The following YTHDC1 variants were observed in gnomAD, a reference collection of about 807,000 sequenced individuals.
The protein encoded by YTHDC1 is YTH domain-containing protein 1.
A neutral mutation model predicts 107.0 loss-of-function variants in YTHDC1; 12 were observed. The observed-to-expected ratio is 0.11, with a 90% CI of 0.07 to 0.18. The LOEUF is 0.18. Ranked by LOEUF, YTHDC1 falls within the 10% of genes least tolerant of loss-of-function variation. The pLI is 1.00. For missense variants in YTHDC1, 635 were observed against 898.8 expected (o/e 0.71, Z 3.75); for synonymous variants, 280 against 289.5 (o/e 0.97, Z 0.33).
At position 68,337,684 on chromosome 4, in the gene YTHDC1, C is replaced by T. The variant is rs139194469; in HGVS notation, c.347G>A (p.Arg116His). 25 of 1,614,004 alleles carry T rather than the reference C, an allele frequency of 1.5e-5. No homozygotes were observed. Among genetic ancestry groups the T allele is most frequent in the African/African-American group, 1.5e-4 (11 of 74,918 alleles). ...TTCTCTGGAGGCACTACTTGATAGACGAATTTTCCGATCAGCATCTAGACG... is the reference window on the plus strand; with the variant it reads ...TTCTCTGGAGGCACTACTTGATAGATGAATTTTCCGATCAGCATCTAGACG... ...NKRLDADRKI[R>H]LSSSASREPY... The change falls in exon 3 of 17, where the codon CGT becomes CAT. Residue 116 changes from arginine (R) to histidine (H), a missense_variant. Arg to His is a conservative substitution (Grantham distance 29). Coordinates refer to ENST00000344157, the MANE Select transcript of YTHDC1 (RefSeq NM_001031732.4).
intron 1 of YTHDC1, among the ~76,000 whole-genome samples, chr4:68,338,773 C>A (rs1466790644): frequency 6.6e-6 from 1 of 152,184 alleles, no homozygotes; most frequent in Non-Finnish European, 1.5e-5. Flanking sequence ...TCACTTGAAC[C>A]TGGGAAGCAG....
chr4:68,318,242 G>T, intron 15 of YTHDC1, among the ~76,000 whole-genome samples: 1 of 152,072 alleles, frequency 6.6e-6, no homozygotes, highest in Non-Finnish European at 1.5e-5. Context: ...GGGAGTACAG[G>T]CACACGCCAC....
At position 68,337,702 on chromosome 4, in the gene YTHDC1, T is replaced by A. The variant is rs149942939; in HGVS notation, c.329A>T (p.Asp110Val). The A allele has an allele frequency of 1.3e-5, 21 of 1,614,048 alleles. No homozygotes were observed. In the African/African-American group the frequency reaches 1.6e-4, roughly 12 times the overall value. ...TGATAGACGAATTTTCCGATCAGCA[T>A]CTAGACGCTTGTTTCTTTCAGATCT... ...YQRSERNKRL[D>V]ADRKIRLSSS... is the part of the protein sequence containing the mutation. Residue 110 changes from aspartate to valine, a missense_variant, in exon 3 of 17, where the codon GAT becomes GTT. This residue lies in a region of YTHDC1 where 294 missense variants were observed against 312.3 expected (regional missense o/e 0.94). Transcript: ENST00000344157.
Position 68,322,716 on chromosome 4 carries a change from G to A in YTHDC1, c.1601+33C>T. 1.2e-6 allele frequency: 2 copies of A among 1,604,008 alleles called. No homozygotes were observed. The highest frequency in any genetic ancestry group is 1.7e-6 in the Non-Finnish European group (2 of 1,172,682). On this transcript the variant is annotated intron_variant, in intron 11 of 16. Transcript: ENST00000344157. This position sits in a 1 kb window ranked among gnomAD's most constrained non-coding sequence, Gnocchi z 4.8. ...CCTCCATCATGTTATTCTGATACAT[G>A]TGCCTATTATCAGTCCAAAGAACGT...
chr4:68,322,245 A>G lies in YTHDC1; in HGVS notation c.1601+504T>C, dbSNP rs766089629. 1.3e-5 allele frequency among the ~76,000 whole-genome samples: 2 copies of G among 152,236 alleles called. No individual in the cohort carries two copies. The highest frequency in any genetic ancestry group is 2.9e-5 in the Non-Finnish European group (2 of 68,042). ...ACAGTCCCAATAATGCTCCTCTTGAATATCAAAATAACTTAAAATATTTTA... is the reference window on the plus strand; with the variant it reads ...ACAGTCCCAATAATGCTCCTCTTGAGTATCAAAATAACTTAAAATATTTTA... On this transcript the variant is annotated intron_variant, in intron 11 of 16. Transcript: ENST00000344157. This position sits in a 1 kb window ranked among gnomAD's most constrained non-coding sequence, Gnocchi z 4.8.
intron 4 of YTHDC1, 97 bp downstream of exon 4, chr4:68,336,930 C>T (rs1724229831): frequency 1.4e-6 from 2 of 1,432,998 alleles, no homozygotes; most frequent in African/African-American, 1.4e-5. Flanking sequence ...CTATTAATAT[C>T]CCCCATCTCC....
At chr4:68,334,517 T>C (rs1397610858) in intron 4 of YTHDC1, among the ~76,000 whole-genome samples, 1 of 152,160 alleles carries the variant, frequency 6.6e-6, no homozygotes, top group East Asian at 1.9e-4. Context: ...CTTGAGCAAG[T>C]AGAAAGGATG....
At chr4:68,323,630 T>C (rs1266313956) in intron 10 of YTHDC1, among the ~76,000 whole-genome samples, 1 of 152,040 alleles carries the variant, frequency 6.6e-6, no homozygotes, top group Non-Finnish European at 1.5e-5. Context: ...AAAAATAAAA[T>C]AAAACAAAAC....
chr4:68,336,618 A>G (rs370467731), intron 4 of YTHDC1, among the ~76,000 whole-genome samples: 3 of 152,346 alleles, frequency 2.0e-5, no homozygotes, highest in South Asian at 4.1e-4. Context: ...TTCTGAAGCC[A>G]TATGATGGAA....
At chr4:68,349,611 G>GTAGCATTAAAAAA in intron 1 of YTHDC1, 115 bp downstream of exon 1, 1 of 1,180,076 alleles carries the variant, frequency 8.5e-7, no homozygotes, top group Non-Finnish European at 1.2e-6. Flanking sequence ...GGCTCCTCGC[G>GTAGCATTAAAAAA]AGGCCAGCTA....
rs968854678 is a variant in YTHDC1 at position 68,312,870 on chromosome 4, A to C, written c.*1229T>G. On this transcript the variant is annotated 3_prime_UTR_variant, in exon 17 of 17. Coordinates refer to ENST00000344157, the MANE Select transcript of YTHDC1 (RefSeq NM_001031732.4). Reference sequence around the variant, plus strand: ...AAAAAATTCAAAAAAATTATTTCATAAACTGTTTTCTTGAGCGGCTCTATT... The same window carrying C: ...AAAAAATTCAAAAAAATTATTTCATCAACTGTTTTCTTGAGCGGCTCTATT... 1 of 152,246 alleles carries C rather than the reference A, an allele frequency of 6.6e-6. No individual in the cohort carries two copies. The highest frequency in any genetic ancestry group is 6.5e-5 in the Admixed American group (1 of 15,292). 9.4% of individuals were successfully genotyped at this position (152,246 alleles called of 1,614,324 possible).
At chr4:68,314,369 G>A (rs1380335201) in intron 16 of YTHDC1, 46 bp from the exon 17 acceptor site, 1 of 1,522,682 alleles carries the variant, frequency 6.6e-7, no homozygotes, top group East Asian at 2.3e-5. Context: ...AAGGCAAATA[G>A]TGTTAAGTGG....
chr4:68,323,535 C>T (rs1450561673), intron 10 of YTHDC1, among the ~76,000 whole-genome samples: 2 of 152,122 alleles, frequency 1.3e-5, no homozygotes, highest in Admixed American at 6.5e-5. Flanking sequence ...TGAGACCAGC[C>T]TCGCAAAATG....
rs144622650 is a variant in YTHDC1, at chr4:68,334,667, T to C, written c.884-1270A>G. 2.7e-3 allele frequency among the ~76,000 whole-genome samples: 407 copies of C among 152,316 alleles called. 2 individuals carry two copies. Among genetic ancestry groups the C allele is most frequent in the African/African-American group, 9.2e-3 (383 of 41,570 alleles). On this transcript the variant is annotated intron_variant, in intron 4 of 16. Transcript: ENST00000344157. ...CTTTCAGTAGTCTAAGCATTATGAA[T>C]GCATCTGACTGAGTGTAATTTATCT...
chr4:68,348,474 CA>C (rs34746525), intron 1 of YTHDC1, among the ~76,000 whole-genome samples: 66,479 of 120,826 alleles, frequency 0.55, 15,689 homozygotes, highest in South Asian at 0.64. Context: ...CTGGATTTCT[CA>C]AAAAAAAAAA....
At chr4:68,314,401 T>A (rs1002094357) in intron 16 of YTHDC1, 78 bp from the exon 17 acceptor site, 56 of 1,206,400 alleles carry the variant, frequency 4.6e-5, no homozygotes, top group South Asian at 9.0e-5. Flanking sequence ...GAAAAAAAAA[T>A]TTATATAAAC....
chr4:68,316,490 C>T, intron 15 of YTHDC1, 42 bp from the exon 16 acceptor site: 4 of 1,589,250 alleles, frequency 2.5e-6, no homozygotes, highest in Non-Finnish European at 3.4e-6. Flanking sequence ...CTACCAACAC[C>T]CTTGTAAACA....
At chr4:68,337,475 C>A (rs772663025) in intron 3 of YTHDC1, 25 bp from the exon 4 acceptor site, 3 of 1,608,864 alleles carry the variant, frequency 1.9e-6, no homozygotes, top group Non-Finnish European at 2.5e-6. Context: ...AAAAGGGAAT[C>A]AGCAGTCATA....
chr4:68,332,477 C>T (rs1723700807), intron 6 of YTHDC1, among the ~76,000 whole-genome samples: 1 of 152,008 alleles, frequency 6.6e-6, no homozygotes, highest in Admixed American at 6.6e-5. Context: ...GATTTTCTTA[C>T]TCAGATTCAA....
Sources: allele counts gnomAD v4.1 joint callset (sites outside exome capture counted in the v4.1 genomes callset), GRCh38; gene constraint gnomAD v4.1.1; regional missense constraint gnomAD v4.1.1; non-coding constraint Gnocchi (gnomAD v3.1); transcripts MANE v1.5; gene names NCBI Gene and HGNC (gene_info 2026-07-23, HGNC 2026-07-21).